KDM7A: variants seen among roughly 807,000 people sequenced by gnomAD.
KDM7A encodes lysine-specific demethylase 7A.
Under a neutral mutation model 114.8 loss-of-function variants are expected in KDM7A, and 28 were observed. The ratio of observed to expected loss-of-function variants is 0.24; its 90% CI spans 0.18 to 0.33. The LOEUF is 0.33. KDM7A is among the 10% of genes least tolerant of loss of function. The pLI is 1.00. For synonymous variants in KDM7A, 423 were observed against 397.8 expected, an observed-to-expected ratio of 1.06 and a Z score of -0.75; for missense variants, 942 against 1,142.5, an observed-to-expected ratio of 0.82 and a Z score of 2.53.
Position 140,135,205 on chromosome 7 carries a change from CTT to C in KDM7A, c.281-1551_281-1550del, listed in dbSNP as rs11336171. Among the ~76,000 whole-genome samples, 1,040 of 131,790 alleles carry C rather than the reference CTT, an allele frequency of 7.9e-3. 6 individuals are homozygous for C. Among genetic ancestry groups the C allele is most frequent in the African/African-American group, 0.025 (866 of 35,190 alleles). 86.5% of individuals were successfully genotyped at this position (131,790 alleles called of 152,430 possible). On this transcript the variant is annotated intron_variant, in intron 2 of 19. Transcript: ENST00000397560. Reference sequence around the variant, plus strand: ...TCTACTATATATAGATACATAACTCCTTTTTTTTTTTTTTTTTGAGACAGAGT... The same window carrying C: ...TCTACTATATATAGATACATAACTCCTTTTTTTTTTTTTTTGAGACAGAGT...
chr7:140,109,603 C>T (rs1818400288), intron 11 of KDM7A, among the ~76,000 whole-genome samples: 2 of 152,188 alleles, frequency 1.3e-5, no homozygotes, highest in South Asian at 4.1e-4. Flanking sequence ...ATAGCCAGGA[C>T]TTCCAACTCT....
At chr7:140,153,771 C>A (rs1415342082) in intron 1 of KDM7A, among the ~76,000 whole-genome samples, 1 of 152,208 alleles carries the variant, frequency 6.6e-6, no homozygotes, top group African/African-American at 2.4e-5. Flanking sequence ...TGGCAGCGTT[C>A]CCACTGTCAG....
chr7:140,164,944 G>A lies in KDM7A; in HGVS notation c.194+11800C>T, dbSNP rs531200499. On this transcript the variant is annotated intron_variant, in intron 1 of 19. Transcript: ENST00000397560. ...AAAATTAAAAGTCAAGAAGACCATG[G>A]TGCCTGGCAACATTCGGTTGAATGA... is the stretch of plus-strand genomic sequence containing the variant. 3.3e-5 allele frequency among the ~76,000 whole-genome samples: 5 copies of A among 152,270 alleles called. No individual in the cohort carries two copies. The South Asian group carries it at 8.3e-4, about 25-fold the overall frequency.
intron 4 of KDM7A, among the ~76,000 whole-genome samples, 159 bp from the exon 5 acceptor site, chr7:140,127,742 A>T (rs1333370550): frequency 6.6e-6 from 1 of 152,202 alleles, no homozygotes; most frequent in African/African-American, 2.4e-5. Context: ...CTCAAGTTCA[A>T]CTGGACCTTT....
chr7:140,150,668 G>C (rs1794389643), intron 1 of KDM7A, among the ~76,000 whole-genome samples: 1 of 152,178 alleles, frequency 6.6e-6, no homozygotes, highest in Non-Finnish European at 1.5e-5. Context: ...AATGGATATA[G>C]AATGGAGAAG....
chr7:140,157,805 TA>T (rs1794474585), intron 1 of KDM7A, among the ~76,000 whole-genome samples: 1 of 143,374 alleles, frequency 7.0e-6, no homozygotes, highest in Non-Finnish European at 1.5e-5. Context: ...CTACTAAAAA[TA>T]CAAAAAAAAA....
In KDM7A at chr7:140,092,021, C is replaced by G; in HGVS notation, c.2514G>C (p.Gln838His). ...CCACATAATTCCTACTTTGTACCCT[C>G]TGACTAATTTCTGATGAACCTTCCT... Reference protein sequence around the residue: ...IRKEGSSEISQRVQSRNYVDS... With the variant: ...IRKEGSSEISHRVQSRNYVDS... Residue 838 changes from glutamine to histidine, a missense_variant, in exon 19 of 20, where the codon CAG becomes CAC. Around this residue, in one of 4 missense-constraint regions of KDM7A, gnomAD observed 512 missense variants for 576.6 expected, o/e 0.89. Coordinates refer to ENST00000397560, the MANE Select transcript of KDM7A (RefSeq NM_030647.2). 1 of 1,614,130 alleles carries G rather than the reference C, an allele frequency of 6.2e-7. No homozygotes were observed. The highest frequency in any genetic ancestry group is 2.2e-5 in the East Asian group (1 of 44,874).
At chr7:140,108,356 A>C (rs924938286) in intron 11 of KDM7A, among the ~76,000 whole-genome samples, 1 of 151,710 alleles carries the variant, frequency 6.6e-6, no homozygotes, top group Non-Finnish European at 1.5e-5. Flanking sequence ...GGGAAGAGGC[A>C]CTCTGATTTT....
At chr7:140,168,313 C>G (rs1275483601) in intron 1 of KDM7A, among the ~76,000 whole-genome samples, 2 of 152,164 alleles carry the variant, frequency 1.3e-5, no homozygotes, top group Non-Finnish European at 2.9e-5. Flanking sequence ...TACCTGTAAT[C>G]CCAGCACTTT....
In KDM7A at chr7:140,133,533, C is replaced by A; in HGVS notation, c.398+6G>T. On this transcript the variant is annotated splice_donor_region_variant and intron_variant, in intron 3 of 19. Coordinates refer to ENST00000397560, the MANE Select transcript of KDM7A (RefSeq NM_030647.2). The stretch of plus-strand genomic sequence containing the variant: ...CATTTTCTTTTATCAGAGTAAGTTT[C>A]CATACCTTGGGAAGACTCGAGAGCG... 2 of 1,482,878 alleles carry A rather than the reference C, an allele frequency of 1.3e-6. No homozygotes were observed. The highest frequency in any genetic ancestry group is 1.1e-5 in the South Asian group (1 of 87,686). The allele number at this position is 1,482,878 out of a possible 1,614,324, so 91.9% of individuals were successfully genotyped here. A position where few individuals can be genotyped will look rare whatever the true frequency, so the allele number is the denominator to read the frequency against.
rs1818000995 is a variant in KDM7A, at chr7:140,090,556, C to T, written c.*538G>A. On this transcript the variant is annotated 3_prime_UTR_variant, in exon 20 of 20. Transcript: ENST00000397560. ...ATCAAATCCCTGTTTAAGACTTTAA[C>T]CTGAATATCAAATTTAAGAGTCCAG... 2 of 152,100 alleles carry T rather than the reference C, an allele frequency of 1.3e-5. No homozygotes were observed. The highest frequency in any genetic ancestry group is 2.9e-5 in the Non-Finnish European group (2 of 68,050). 9.4% of individuals were successfully genotyped at this position (152,100 alleles called of 1,614,324 possible).
intron 19 of KDM7A, 49 bp downstream of exon 19, chr7:140,091,755 A>C: frequency 6.3e-7 from 1 of 1,593,094 alleles, no homozygotes; most frequent in Non-Finnish European, 8.6e-7. Flanking sequence ...CATGATGACC[A>C]TCACATACAG....
Position 140,176,965 on chromosome 7 carries a change from G to C in KDM7A, c.-28C>G. On this transcript the variant is annotated 5_prime_UTR_variant, in exon 1 of 20. Coordinates refer to ENST00000397560, the MANE Select transcript of KDM7A (RefSeq NM_030647.2). The surrounding 1 kb of genome is among the most constrained non-coding windows in gnomAD (Gnocchi z 4.4). The stretch of plus-strand genomic sequence containing the variant: ...TTAAAAAACACACACACGCTCGCTC[G>C]CTACTCCGCTCGCCGACTGGAGCGA... 1 of 1,105,268 alleles carries C rather than the reference G, an allele frequency of 9.0e-7. No individual in the cohort carries two copies. The highest frequency in any genetic ancestry group is 1.7e-5 in the African/African-American group (1 of 59,652). 68.5% of individuals were successfully genotyped at this position (1,105,268 alleles called of 1,614,324 possible).
Position 140,124,794 on chromosome 7 carries a change from G to A in KDM7A, c.889-11C>T. On this transcript the variant is annotated splice_polypyrimidine_tract_variant and intron_variant, in intron 6 of 19. Coordinates refer to ENST00000397560, the MANE Select transcript of KDM7A (RefSeq NM_030647.2). ...AAAAATCTTCTCACCCTAAAAGGAA[G>A]TATCATACTATTTTTGAAAAAGCAA... is the stretch of plus-strand genomic sequence containing the variant. 2 of 1,573,084 alleles carry A rather than the reference G, an allele frequency of 1.3e-6. No individual in the cohort carries two copies. The highest frequency in any genetic ancestry group is 1.7e-6 in the Non-Finnish European group (2 of 1,154,106).
intron 5 of KDM7A, among the ~76,000 whole-genome samples, 166 bp downstream of exon 5, chr7:140,127,276 T>C (rs1818721010): frequency 6.6e-6 from 1 of 152,228 alleles, no homozygotes; most frequent in Non-Finnish European, 1.5e-5. Context: ...TTAAAATACA[T>C]CTTATTTCTA....
chr7:140,166,994 A>G (rs1035516284), intron 1 of KDM7A, among the ~76,000 whole-genome samples: 3 of 152,226 alleles, frequency 2.0e-5, no homozygotes, highest in African/African-American at 7.2e-5. Flanking sequence ...AATGGTAAAG[A>G]AAATCTCATT....
At chr7:140,132,909 T>A (rs759307253) in intron 3 of KDM7A, among the ~76,000 whole-genome samples, 5 of 152,210 alleles carry the variant, frequency 3.3e-5, no homozygotes, top group Non-Finnish European at 5.9e-5. Flanking sequence ...AGCCTGACTA[T>A]GATCTTGTGT....
At chr7:140,160,205 CA>C (rs1172950725) in intron 1 of KDM7A, among the ~76,000 whole-genome samples, 3 of 151,958 alleles carry the variant, frequency 2.0e-5, no homozygotes, top group Non-Finnish European at 4.4e-5. Flanking sequence ...AAATAAGCAA[CA>C]AAAGTGTTAC....
intron 9 of KDM7A, among the ~76,000 whole-genome samples, chr7:140,115,849 A>T (rs2116781632): frequency 7.4e-6 from 1 of 134,824 alleles, no homozygotes; most frequent in Non-Finnish European, 1.6e-5. Flanking sequence ...TAATAGTACA[A>T]GAAAAGTAAA....
Sources: gnomAD v4.1 joint callset for allele counts (sites outside exome capture counted in the v4.1 genomes callset) on GRCh38, gnomAD v4.1.1 for gene constraint, gnomAD v4.1.1 regional missense constraint, Gnocchi (gnomAD v3.1) non-coding constraint, MANE v1.5 for transcripts, NCBI Gene and HGNC (gene_info 2026-07-23, HGNC 2026-07-21) for gene names.